Variants in THRB observed in about 807,000 individuals in gnomAD.
THRB encodes the protein nuclear receptor subfamily 1 group A member 2.
Under a neutral mutation model 47.8 loss-of-function variants are expected in THRB, and 12 were observed. That is an observed-to-expected ratio of 0.25 (90% confidence interval 0.16 to 0.41). THRB has a LOEUF of 0.41. Among genes scored for constraint, THRB ranks in the 10% least tolerant of loss-of-function variants. The pLI is 1.00. For missense variants in THRB, 348 were observed against 589.2 expected (o/e 0.59, Z 4.24); for synonymous variants, 218 against 212.2 (o/e 1.03, Z -0.24).
At chr3:24,231,845 G>A (rs2048293030) in intron 3 of THRB, among the ~76,000 whole-genome samples, 1 of 152,120 alleles carries the variant, frequency 6.6e-6, no homozygotes, top group Admixed American at 6.6e-5. Context: ...TGGGATCAAA[G>A]GAGAAAAGAA....
intron 3 of THRB, among the ~76,000 whole-genome samples, chr3:24,250,757 A>T (rs1310180298): frequency 6.6e-6 from 1 of 152,152 alleles, no homozygotes; most frequent in Non-Finnish European, 1.5e-5. Context: ...TCAAGGAAAA[A>T]TACATGGAAA....
chr3:24,345,353 T>C (rs939142559), intron 1 of THRB, among the ~76,000 whole-genome samples: 7 of 152,136 alleles, frequency 4.6e-5, no homozygotes, highest in African/African-American at 1.4e-4. Context: ...CCACTATCCA[T>C]GAAGGAGCAA....
chr3:24,442,187 G>T (rs902162487), intron 1 of THRB, among the ~76,000 whole-genome samples: 21 of 152,082 alleles, frequency 1.4e-4, no homozygotes, highest in Admixed American at 7.2e-4. Context: ...TCTATACCTT[G>T]TATCCTCAAG....
intron 1 of THRB, among the ~76,000 whole-genome samples, chr3:24,446,079 G>T (rs1221735745): frequency 6.6e-6 from 1 of 152,104 alleles, no homozygotes; most frequent in Non-Finnish European, 1.5e-5. Context: ...ACTAAGGTAG[G>T]CAATTTTTAT....
At chr3:24,143,430 T>A (rs1251287469) in intron 8 of THRB, 71 bp downstream of exon 8, 1 of 1,446,058 alleles carries the variant, frequency 6.9e-7, no homozygotes, top group Non-Finnish European at 9.7e-7. Context: ...CCCAAGGTGA[T>A]GAGGACTGAA....
Position 24,425,192 on chromosome 3 carries a change from C to T in THRB, c.-261+69460G>A, listed in dbSNP as rs13325697. On this transcript the variant is annotated intron_variant, in intron 1 of 10. Coordinates refer to ENST00000646209, the MANE Select transcript of THRB (RefSeq NM_001354712.2). Reference sequence around the variant, plus strand: ...AAAGCATACAGTGGCTAGTGATGCACGTTGACAAATTGTCCTTAAAAAAAA... The same window carrying T: ...AAAGCATACAGTGGCTAGTGATGCATGTTGACAAATTGTCCTTAAAAAAAA... Among the ~76,000 whole-genome samples, 1,018 of 151,760 alleles carry T rather than the reference C, an allele frequency of 6.7e-3. 12 individuals are homozygous for T. The highest frequency in any genetic ancestry group is 0.022 in the African/African-American group (927 of 41,424).
chr3:24,407,824 G>C (rs1230397745), intron 1 of THRB, among the ~76,000 whole-genome samples: 1 of 151,854 alleles, frequency 6.6e-6, no homozygotes, highest in African/African-American at 2.4e-5. Context: ...AGGTACCAAA[G>C]GATACAGAAA....
At chr3:24,290,253 G>T (rs1048739378) in intron 3 of THRB, among the ~76,000 whole-genome samples, 1 of 152,222 alleles carries the variant, frequency 6.6e-6, no homozygotes, top group Admixed American at 6.5e-5. Context: ...AATCTTTCAG[G>T]AAGTTTACTG....
chr3:24,323,229 T>A (rs1270863330), intron 2 of THRB, among the ~76,000 whole-genome samples: 1 of 144,332 alleles, frequency 6.9e-6, no homozygotes, highest in African/African-American at 2.7e-5. Context: ...GGTTTTTGGT[T>A]TTTTTTTTTT....
rs539718792 is a variant in THRB, at chr3:24,492,876, C to A, written c.-261+1776G>T. Among the ~76,000 whole-genome samples, 4 of 152,178 alleles carry A rather than the reference C, an allele frequency of 2.6e-5. No homozygotes were observed. In the East Asian group the frequency reaches 7.7e-4, roughly 29 times the overall value. On this transcript the variant is annotated intron_variant, in intron 1 of 10. Coordinates refer to ENST00000646209, the MANE Select transcript of THRB (RefSeq NM_001354712.2). The stretch of plus-strand genomic sequence containing the variant: ...ACAGGAATTATTTCACTTTAAAAAA[C>A]CAGTTCTGTAGCTATACTCAGTATT...
At chr3:24,233,494 GAAA>G (rs1320771045) in intron 3 of THRB, among the ~76,000 whole-genome samples, 145 of 65,226 alleles carry the variant, frequency 2.2e-3, no homozygotes, top group Admixed American at 4.9e-3. Context: ...AAGAAAAAAA[GAAA>G]GGAAGAAAGA....
At chr3:24,381,568 T>A (rs536410008) in intron 1 of THRB, among the ~76,000 whole-genome samples, 1 of 152,168 alleles carries the variant, frequency 6.6e-6, no homozygotes, top group Non-Finnish European at 1.5e-5. Flanking sequence ...AAAGCAAATG[T>A]TTCAAAACTC....
chr3:24,448,944 A>G (rs887966202), intron 1 of THRB, among the ~76,000 whole-genome samples: 3 of 152,210 alleles, frequency 2.0e-5, no homozygotes, highest in South Asian at 2.1e-4. Context: ...GCGAATTTAG[A>G]GAATGGCAAA....
At chr3:24,285,145 C>A (rs1309890965) in intron 3 of THRB, among the ~76,000 whole-genome samples, 5 of 149,176 alleles carry the variant, frequency 3.4e-5, no homozygotes, top group African/African-American at 9.8e-5. Flanking sequence ...ATGTTTATTG[C>A]GGCATTATTC....
intron 2 of THRB, among the ~76,000 whole-genome samples, chr3:24,314,730 A>G (rs934091280): frequency 5.3e-5 from 8 of 152,172 alleles, no homozygotes; most frequent in Non-Finnish European, 1.0e-4. Flanking sequence ...GTAACATGGA[A>G]CACCCCAAAC....
rs577877717 is a variant in THRB at position 24,399,508 on chromosome 3, A to T, written c.-260-62137T>A. 3.3e-5 allele frequency among the ~76,000 whole-genome samples: 5 copies of T among 152,196 alleles called. No homozygotes were observed. In the South Asian group the frequency reaches 1.0e-3, roughly 32 times the overall value. The stretch of plus-strand genomic sequence containing the variant: ...GATGGTGACAGCACTGCATTAAACC[A>T]AGTACAGAGCCCCTCTGAGCTTGAG... On this transcript the variant is annotated intron_variant, in intron 1 of 10. Coordinates refer to ENST00000646209, the MANE Select transcript of THRB (RefSeq NM_001354712.2).
intron 3 of THRB, among the ~76,000 whole-genome samples, chr3:24,264,806 A>C (rs536221606): frequency 3.9e-5 from 6 of 151,974 alleles, no homozygotes; most frequent in African/African-American, 4.8e-5. Flanking sequence ...AAAAAAAAAA[A>C]AACTGGACTT....
chr3:24,204,681 G>A (rs1023002723), intron 4 of THRB, among the ~76,000 whole-genome samples: 1 of 152,146 alleles, frequency 6.6e-6, no homozygotes, highest in African/African-American at 2.4e-5. Context: ...GAGAGAAGAA[G>A]GCTTCAGACA....
intron 4 of THRB, among the ~76,000 whole-genome samples, chr3:24,212,602 A>G (rs1003637521): frequency 6.6e-6 from 1 of 151,368 alleles, no homozygotes; most frequent in Non-Finnish European, 1.5e-5. Context: ...AAAAAAAGAA[A>G]GAAAAGAGAA....
Sources: gnomAD v4.1 joint callset for allele counts (sites outside exome capture counted in the v4.1 genomes callset) on GRCh38, gnomAD v4.1.1 for gene constraint, MANE v1.5 for transcripts, NCBI Gene and HGNC (gene_info 2026-07-23, HGNC 2026-07-21) for gene names.